Variants in IMPA2 observed in about 807,000 individuals in gnomAD.
IMPA2 encodes IMP 2.
IMPA2 carries 32 observed loss-of-function variants against 35.1 expected under a neutral mutation model. That is an observed-to-expected ratio of 0.91 (90% CI 0.69 to 1.23). The LOEUF (loss-of-function observed/expected upper bound fraction) is 1.23, where lower values mean the gene tolerates loss of function less well. IMPA2 is among the 50% of genes most tolerant of loss of function. The pLI is 0.00. For synonymous variants in IMPA2, 135 were observed against 160.6 expected (o/e 0.84, Z 1.20); for missense variants, 334 against 387.6 (o/e 0.86, Z 1.16).
chr18:12,002,084 A>G (rs917447280), intron 2 of IMPA2, among the ~76,000 whole-genome samples: 8 of 152,244 alleles, frequency 5.3e-5, no homozygotes, highest in African/African-American at 1.2e-4. Context: ...AATGACTAAG[A>G]TTAAAAAGAA....
chr18:11,982,947 G>C (rs1349699336), intron 1 of IMPA2, among the ~76,000 whole-genome samples: 2 of 152,124 alleles, frequency 1.3e-5, no homozygotes, highest in Non-Finnish European at 2.9e-5. Context: ...GTTGAAATCG[G>C]ACTGTTATCA....
chr18:12,029,856 T>C (rs114151998), intron 7 of IMPA2, among the ~76,000 whole-genome samples: 2,138 of 152,346 alleles, frequency 0.014, 43 homozygotes, highest in African/African-American at 0.046. Context: ...CAAGGCTTTA[T>C]CATCTTGCCC....
At chr18:11,997,199 G>A (rs1053730925) in intron 1 of IMPA2, among the ~76,000 whole-genome samples, 2 of 152,210 alleles carry the variant, frequency 1.3e-5, no homozygotes, top group African/African-American at 2.4e-5. Context: ...CAGATGCTAC[G>A]GGAGCCACAT....
chr18:12,017,684 G>A (rs1280202048), intron 5 of IMPA2: 3 of 394,796 alleles, frequency 7.6e-6, no homozygotes, highest in Non-Finnish European at 1.5e-5. Flanking sequence ...CACATCCTAG[G>A]TTCAAGCAAT....
chr18:12,009,034 CT>C (rs1399254220), intron 2 of IMPA2, among the ~76,000 whole-genome samples: 1 of 149,464 alleles, frequency 6.7e-6, no homozygotes, highest in African/African-American at 2.5e-5. Flanking sequence ...AGCCTCTCTC[CT>C]TCCTGCAGCC....
Position 12,030,142 on chromosome 18 carries a change from TG to T in IMPA2, c.752-197del, listed in dbSNP as rs3837885. Among the ~76,000 whole-genome samples the T allele has an allele frequency of 8.4e-4, 128 of 152,362 alleles. 3 individuals are homozygous for T. In the East Asian group the frequency reaches 0.019, roughly 23 times the overall value. The stretch of plus-strand genomic sequence containing the variant: ...GTGCAGCCCTTGACTGCATTCACAC[TG>T]GGGTGGGGCGGGAGAGGCTCCATCC... On this transcript the variant is annotated intron_variant, in intron 7 of 7. Transcript: ENST00000269159.
chr18:12,009,472 TGGGAGAATCAAAGTCAGA>T (rs1907372874), intron 2 of IMPA2, among the ~76,000 whole-genome samples: 2 of 152,128 alleles, frequency 1.3e-5, no homozygotes, highest in Non-Finnish European at 2.9e-5. Flanking sequence ...CAGCATTGAC[TGGGAGAATCAAAGTCAGA>T]GTCCTGGGCC....
intron 5 of IMPA2, chr18:12,017,729 C>A: frequency 3.0e-6 from 1 of 334,394 alleles, no homozygotes. Context: ...GCTGGGACTA[C>A]AGGCATGCGC....
chr18:12,002,303 T>A (rs1907134717), intron 2 of IMPA2, among the ~76,000 whole-genome samples: 1 of 152,230 alleles, frequency 6.6e-6, no homozygotes, highest in Admixed American at 6.5e-5. Flanking sequence ...GCTTTTCTCT[T>A]TCCTTGATTT....
chr18:11,997,728 C>T (rs192627919), intron 1 of IMPA2, among the ~76,000 whole-genome samples: 35 of 152,240 alleles, frequency 2.3e-4, no homozygotes, highest in East Asian at 1.5e-3. Context: ...ATGTCACGTC[C>T]GGGCACCTGG....
chr18:12,014,403 C>T (rs1907521527), intron 5 of IMPA2, 30 bp downstream of exon 5: 2 of 1,402,898 alleles, frequency 1.4e-6, no homozygotes, highest in African/African-American at 1.4e-5. Flanking sequence ...TCTCAGTTTA[C>T]TTCTGAAATA....
chr18:11,983,580 A>G (rs1906567964), intron 1 of IMPA2, among the ~76,000 whole-genome samples: 1 of 152,204 alleles, frequency 6.6e-6, no homozygotes, highest in African/African-American at 2.4e-5. Context: ...TATGACTTTT[A>G]ACTTAAGAGA....
At chr18:12,021,074 T>C (rs1907715645) in intron 5 of IMPA2, among the ~76,000 whole-genome samples, 1 of 152,098 alleles carries the variant, frequency 6.6e-6, no homozygotes, top group African/African-American at 2.4e-5. Flanking sequence ...TCCCTCTTCA[T>C]TGTTTTTGTG....
At chr18:11,998,792 A>T (rs1483656934) in intron 1 of IMPA2, among the ~76,000 whole-genome samples, 1 of 152,236 alleles carries the variant, frequency 6.6e-6, no homozygotes, top group South Asian at 2.1e-4. Context: ...TGGAGAAATA[A>T]TTTTTCTTGT....
chr18:12,010,037 C>G lies in IMPA2; in HGVS notation c.335+50C>G. The G allele has an allele frequency of 7.1e-7, 1 of 1,405,058 alleles. No homozygotes were observed. Among genetic ancestry groups the G allele is most frequent in the Non-Finnish European group, 1.0e-6 (1 of 995,064 alleles). The allele number at this position is 1,405,058 out of a possible 1,614,324, so 87.0% of individuals were successfully genotyped here. A position where few individuals can be genotyped will look rare whatever the true frequency, so the allele number is the denominator to read the frequency against. ...ATTGCAGGGCTTAACATGTCCTCTT[C>G]TGTGAGGTTTTGTCTTTTCAAAAGC... On this transcript the variant is annotated intron_variant, in intron 3 of 7. Transcript: ENST00000269159. The surrounding 1 kb of genome is among the most constrained non-coding windows in gnomAD (Gnocchi z 4.8).
chr18:12,020,274 A>C (rs145167887), intron 5 of IMPA2, among the ~76,000 whole-genome samples: 4 of 151,618 alleles, frequency 2.6e-5, no homozygotes, highest in Admixed American at 6.6e-5. Flanking sequence ...GCTCACTGCA[A>C]CCTCCACCTC....
chr18:11,981,561 C>T lies in IMPA2; in HGVS notation c.-109C>T, dbSNP rs902634259. The stretch of plus-strand genomic sequence containing the variant: ...GGGCGGCGGACTAGGCACAGAGCTG[C>T]GGGAGCAGGCACAGGGAGTGTGGAG... On this transcript the variant is annotated 5_prime_UTR_variant, in exon 1 of 8. Transcript: ENST00000269159. 4.3e-6 allele frequency: 3 copies of T among 690,612 alleles called. No individual in the cohort carries two copies. Among genetic ancestry groups the T allele is most frequent in the African/African-American group, 3.7e-5 (2 of 53,866 alleles). 42.8% of individuals were successfully genotyped at this position (690,612 alleles called of 1,614,324 possible).
intron 4 of IMPA2, among the ~76,000 whole-genome samples, chr18:12,013,571 A>G (rs1198520889): frequency 1.3e-5 from 2 of 152,172 alleles, no homozygotes; most frequent in Non-Finnish European, 2.9e-5. Flanking sequence ...TTGCTAAGCA[A>G]GCATGCTGGC....
chr18:12,029,108 GTTTTTTT>G (rs1158665365), intron 7 of IMPA2, 115 bp downstream of exon 7: 580 of 267,192 alleles, frequency 2.2e-3, no homozygotes, highest in African/African-American at 0.021. Flanking sequence ...CAGAGTTTCT[GTTTTTTT>G]TTTTTTTTTT....
Sources: gnomAD v4.1 joint callset for allele counts (sites outside exome capture counted in the v4.1 genomes callset) on GRCh38, gnomAD v4.1.1 for gene constraint, Gnocchi (gnomAD v3.1) non-coding constraint, MANE v1.5 for transcripts, NCBI Gene and HGNC (gene_info 2026-07-23, HGNC 2026-07-21) for gene names.